The following PRKCA variants were observed in gnomAD, a reference collection of about 807,000 sequenced individuals.
The protein encoded by PRKCA is protein kinase C alpha.
Under a neutral mutation model 87.0 loss-of-function variants are expected in PRKCA, and 27 were observed. That is an observed-to-expected ratio of 0.31 (90% confidence interval 0.23 to 0.43). The LOEUF (loss-of-function observed/expected upper bound fraction) is 0.43, where lower values mean the gene tolerates loss of function less well. Ranked by LOEUF, PRKCA falls within the 20% of genes least tolerant of loss-of-function variation. The pLI is 1.00. For missense variants in PRKCA, 518 were observed against 852.3 expected, an observed-to-expected ratio of 0.61 and a Z score of 4.88; for synonymous variants, 329 against 311.1, an observed-to-expected ratio of 1.06 and a Z score of -0.61.
intron 3 of PRKCA, among the ~76,000 whole-genome samples, chr17:66,560,763 G>A (rs554598626): frequency 2.6e-5 from 4 of 152,220 alleles, no homozygotes; most frequent in East Asian, 1.9e-4. Context: ...TATTACCAGC[G>A]CCACCACTGG....
chr17:66,443,646 G>C (rs887611488), intron 2 of PRKCA, among the ~76,000 whole-genome samples: 2 of 152,174 alleles, frequency 1.3e-5, no homozygotes, highest in Non-Finnish European at 2.9e-5. Flanking sequence ...CCTGAAACGG[G>C]ACAGGCCCTT....
At chr17:66,644,292 T>G (rs1971393940) in intron 4 of PRKCA, among the ~76,000 whole-genome samples, 1 of 152,212 alleles carries the variant, frequency 6.6e-6, no homozygotes, top group Non-Finnish European at 1.5e-5. Context: ...TCCAATTTAC[T>G]TTGTCATGTT....
intron 3 of PRKCA, among the ~76,000 whole-genome samples, chr17:66,595,351 G>T (rs530650890): frequency 6.6e-6 from 1 of 151,554 alleles, no homozygotes; most frequent in East Asian, 1.9e-4. Context: ...CTTTTCTTTC[G>T]CAAGTACATC....
chr17:66,687,204 G>A lies in PRKCA; in HGVS notation c.623G>A (p.Ser208Asn). 2 of 1,614,126 alleles carry A rather than the reference G, an allele frequency of 1.2e-6. No homozygotes were observed. The highest frequency in any genetic ancestry group is 1.7e-6 in the Non-Finnish European group (2 of 1,180,008). Residue 208 changes from serine to asparagine, a missense_variant, in exon 6 of 17, where the codon AGC (serine) becomes AAC (asparagine). By Grantham distance (46) the Ser-to-Asn change is conservative (BLOSUM62 1). Coordinates refer to ENST00000413366, the MANE Select transcript of PRKCA (RefSeq NM_002737.3). ...CTTATTCCTGATCCCAAGAATGAAA[G>A]CAAGCAAAAAACCAAAACCATCCGC... Reference protein sequence around the residue: ...LKLIPDPKNESKQKTKTIRST... With the variant: ...LKLIPDPKNENKQKTKTIRST...
chr17:66,712,263 A>G (rs924670282), intron 8 of PRKCA, among the ~76,000 whole-genome samples: 6 of 152,184 alleles, frequency 3.9e-5, no homozygotes, highest in African/African-American at 1.4e-4. Flanking sequence ...CTGCTACTTC[A>G]GAGGAACACC....
chr17:66,609,783 C>T (rs1203657721), intron 3 of PRKCA, among the ~76,000 whole-genome samples: 1 of 150,928 alleles, frequency 6.6e-6, no homozygotes. Flanking sequence ...TTTGGCAAGG[C>T]TTTATTTTAT....
At chr17:66,564,998 A>G (rs1057406158) in intron 3 of PRKCA, among the ~76,000 whole-genome samples, 2 of 152,068 alleles carry the variant, frequency 1.3e-5, no homozygotes, top group African/African-American at 4.8e-5. Context: ...AATCACCACC[A>G]CCACCACCAC....
chr17:66,697,977 A>C (rs1457796518), intron 8 of PRKCA, among the ~76,000 whole-genome samples: 2 of 152,218 alleles, frequency 1.3e-5, no homozygotes, highest in Admixed American at 6.5e-5. Context: ...GCAGGATTGA[A>C]AGAAGGCATG....
At chr17:66,658,367 G>C (rs1971794716) in intron 5 of PRKCA, among the ~76,000 whole-genome samples, 2 of 152,120 alleles carry the variant, frequency 1.3e-5, no homozygotes, top group South Asian at 4.1e-4. Flanking sequence ...TGTAATCCCA[G>C]CTACTTGGGA....
chr17:66,446,416 A>G (rs990550709), intron 2 of PRKCA, among the ~76,000 whole-genome samples: 3 of 152,176 alleles, frequency 2.0e-5, no homozygotes, highest in African/African-American at 4.8e-5. Context: ...CTTCTTCCTC[A>G]TTGGCCTTGC....
At chr17:66,780,660 G>A (rs1365586429) in intron 14 of PRKCA, among the ~76,000 whole-genome samples, 1 of 151,194 alleles carries the variant, frequency 6.6e-6, no homozygotes, top group Non-Finnish European at 1.5e-5. Flanking sequence ...CTGGGTGACA[G>A]GCAAGACTTA....
chr17:66,448,980 TAAAAAAAAAAA>T (rs58373500), intron 2 of PRKCA, among the ~76,000 whole-genome samples: 3 of 140,604 alleles, frequency 2.1e-5, no homozygotes, highest in Admixed American at 1.4e-4. Flanking sequence ...ACTCTAAACT[TAAAAAAAAAAA>T]AAAAAAAAGG....
chr17:66,767,211 C>A (rs1329021470), intron 13 of PRKCA, among the ~76,000 whole-genome samples: 2 of 152,078 alleles, frequency 1.3e-5, no homozygotes, highest in Non-Finnish European at 2.9e-5. Context: ...TCGATAGGTT[C>A]TTGGAAACTG....
chr17:66,450,142 C>T (rs1187941851), intron 2 of PRKCA, among the ~76,000 whole-genome samples: 1 of 152,004 alleles, frequency 6.6e-6, no homozygotes, highest in Non-Finnish European at 1.5e-5. Flanking sequence ...TTAACTCATA[C>T]TGAGTGGAGT....
intron 3 of PRKCA, among the ~76,000 whole-genome samples, chr17:66,548,806 A>G (rs1480458221): frequency 2.1e-5 from 2 of 93,950 alleles, no homozygotes; most frequent in Non-Finnish European, 3.9e-5. Flanking sequence ...ACGTTTCGGC[A>G]AGTTTTTTTT....
intron 2 of PRKCA, among the ~76,000 whole-genome samples, chr17:66,482,470 A>G (rs184714672): frequency 6.6e-6 from 1 of 152,260 alleles, no homozygotes; most frequent in East Asian, 1.9e-4. Flanking sequence ...ACTCTCAGTG[A>G]TCTTTACTAC....
intron 3 of PRKCA, among the ~76,000 whole-genome samples, chr17:66,605,769 A>T (rs986062974): frequency 2.0e-5 from 3 of 152,258 alleles, no homozygotes; most frequent in Non-Finnish European, 1.5e-5. Context: ...AATACAACAC[A>T]TGCTGCAACA....
chr17:66,404,725 T>TGGAAA (rs1421152885), intron 2 of PRKCA, among the ~76,000 whole-genome samples: 1 of 139,740 alleles, frequency 7.2e-6, no homozygotes, highest in Non-Finnish European at 1.5e-5. Flanking sequence ...TGCTGGCTGC[T>TGGAAA]GGAAAGGATG....
chr17:66,771,726 G>T (rs1974938441), intron 13 of PRKCA, among the ~76,000 whole-genome samples: 1 of 152,066 alleles, frequency 6.6e-6, no homozygotes, highest in Admixed American at 6.6e-5. Context: ...CTCCCAAGTA[G>T]CTGGGACTAC....
Sources: gnomAD v4.1 joint callset for allele counts (sites outside exome capture counted in the v4.1 genomes callset) on GRCh38, gnomAD v4.1.1 for gene constraint, MANE v1.5 for transcripts, NCBI Gene and HGNC (gene_info 2026-07-23, HGNC 2026-07-21) for gene names.